Variants in CHD1L observed in about 807,000 individuals in gnomAD.
CHD1L encodes ATP-dependent chromatin remodeler CHD1L.
In CHD1L, 118 loss-of-function variants were observed where a neutral mutation model predicts 115.9. The ratio of observed to expected loss-of-function variants is 1.02; its 90% CI spans 0.88 to 1.19. CHD1L has a LOEUF of 1.19. CHD1L is among the 50% of genes most tolerant of loss of function. The pLI is 0.00. For synonymous variants in CHD1L, 411 were observed against 387.1 expected, an observed-to-expected ratio of 1.06 and a Z score of -0.72; for missense variants, 1,179 against 1,065.3, an observed-to-expected ratio of 1.11 and a Z score of -1.49.
At chr1:147,189,015 C>T in the CHD1L span, among the ~76,000 whole-genome samples, 2 of 152,118 alleles carry the variant, frequency 1.3e-5, no homozygotes, top group African/African-American at 4.8e-5. Context: ...GTGGCTCATG[C>T]CTGTAATCCC....
intron 20 of CHD1L, among the ~76,000 whole-genome samples, 164 bp downstream of exon 20, chr1:147,291,716 C>T (rs1478818605): frequency 1.3e-5 from 2 of 152,048 alleles, no homozygotes; most frequent in African/African-American, 4.8e-5. Flanking sequence ...AATGTATTTC[C>T]TTATAGTTCT....
the CHD1L span, among the ~76,000 whole-genome samples, chr1:147,233,060 C>T: frequency 6.6e-6 from 1 of 152,032 alleles, no homozygotes; most frequent in Non-Finnish European, 1.5e-5. Context: ...TGAGGAGCGT[C>T]TCTGCCCGGC....
At chr1:147,225,923 A>C in the CHD1L span, 1 of 152,220 alleles carries the variant, frequency 6.6e-6, no homozygotes, top group Non-Finnish European at 1.5e-5. Context: ...TCCACGTGAA[A>C]GGGTCGTGAT....
At position 147,272,267 on chromosome 1, in the gene CHD1L, T is replaced by TGA; in HGVS notation, c.1258_1259dup (p.Ser420ArgfsTer10). 1 of 1,612,946 alleles carries TGA rather than the reference T, an allele frequency of 6.2e-7. No homozygotes were observed. Among genetic ancestry groups the TGA allele is most frequent in the South Asian group, 1.1e-5 (1 of 91,046 alleles). ...CAGCAGCCCATTTTCGTTTTTCTCC[T>TGA]GAGTACTAGGGCAGGTAGGCTGCAA... is the stretch of plus-strand genomic sequence containing the variant. On this transcript the variant is annotated frameshift_variant, in exon 12 of 23. Transcript: ENST00000369258. LOFTEE classifies it high-confidence loss of function.
At chr1:147,178,072 G>A in the CHD1L span, 2 of 1,208,782 alleles carry the variant, frequency 1.7e-6, no homozygotes, top group South Asian at 3.0e-5. Context: ...AGTCCCAGTC[G>A]AGCCGCGACC....
the CHD1L span, among the ~76,000 whole-genome samples, chr1:147,232,186 G>A: frequency 6.6e-6 from 1 of 152,192 alleles, no homozygotes; most frequent in Non-Finnish European, 1.5e-5. Flanking sequence ...TGACATGAGT[G>A]AGAAATATAC....
chr1:147,203,948 C>A, the CHD1L span: 2 of 1,332,020 alleles, frequency 1.5e-6, no homozygotes, highest in African/African-American at 2.9e-5. Flanking sequence ...AGCTGTAGCA[C>A]CAACTGTTTT....
chr1:147,191,444 G>T, the CHD1L span, among the ~76,000 whole-genome samples: 1 of 152,124 alleles, frequency 6.6e-6, no homozygotes, highest in Non-Finnish European at 1.5e-5. Context: ...GCGATGATGA[G>T]AATTTTTTCA....
At chr1:147,191,197 C>T in the CHD1L span, among the ~76,000 whole-genome samples, 7 of 152,090 alleles carry the variant, frequency 4.6e-5, no homozygotes, top group Non-Finnish European at 1.0e-4. Context: ...GGGTATATAC[C>T]CAGTAATGGG....
the CHD1L span, among the ~76,000 whole-genome samples, chr1:147,216,591 C>A: frequency 4.9e-4 from 74 of 152,226 alleles, no homozygotes; most frequent in African/African-American, 1.8e-3. Context: ...TATTCAGCAT[C>A]GCTTAGGAAG....
chr1:147,177,146 G>A, the CHD1L span, among the ~76,000 whole-genome samples: 1 of 151,940 alleles, frequency 6.6e-6, no homozygotes, highest in Non-Finnish European at 1.5e-5. Flanking sequence ...TAGGACTGGG[G>A]CAGGGGATAT....
chr1:147,259,770 A>T (rs1271646610), intron 5 of CHD1L, 67 bp from the exon 6 acceptor site: 33 of 1,358,014 alleles, frequency 2.4e-5, no homozygotes, highest in Non-Finnish European at 2.9e-5. Context: ...GTTTTGTAGT[A>T]AGACTTTTGA....
chr1:147,201,478 T>A, the CHD1L span: 33 of 1,613,892 alleles, frequency 2.0e-5, no homozygotes, highest in Non-Finnish European at 2.8e-5. Context: ...CAGGTCATCA[T>A]TTAAGGTTGG....
In CHD1L at chr1:147,255,839, C is replaced by T. The variant is rs1669934168; in HGVS notation, c.374C>T (p.Thr125Ile). The T allele has an allele frequency of 6.2e-7, 1 of 1,613,336 alleles. No individual in the cohort carries two copies. Among genetic ancestry groups the T allele is most frequent in the African/African-American group, 1.3e-5 (1 of 74,864 alleles). ...TTTGCTCCAGGTCTTTCCTGTGTAA[C>T]ATATGCAGGCGACAAGGAGGAAAGA... The part of the protein sequence containing the change: ...QRFAPGLSCV[T>I]YAGDKEERAC... Residue 125 changes from threonine to isoleucine, a missense_variant, in exon 4 of 23, where the codon ACA becomes ATA. Coordinates refer to ENST00000369258, the MANE Select transcript of CHD1L (RefSeq NM_004284.6).
chr1:147,185,731 A>G, the CHD1L span, among the ~76,000 whole-genome samples: 2 of 152,192 alleles, frequency 1.3e-5, no homozygotes, highest in East Asian at 3.8e-4. Context: ...ACAGCTATTA[A>G]TGAACATCAC....
the CHD1L span, among the ~76,000 whole-genome samples, chr1:147,233,849 T>C: frequency 6.6e-6 from 1 of 151,622 alleles, no homozygotes; most frequent in African/African-American, 2.4e-5. Context: ...GTTAAATGGG[T>C]TAAGGGCGGT....
chr1:147,265,808 C>T (rs1673657195), intron 7 of CHD1L, 124 bp from the exon 8 acceptor site: 2 of 743,838 alleles, frequency 2.7e-6, no homozygotes, highest in East Asian at 6.1e-5. Context: ...AATGATCATA[C>T]TGGCCTAGAA....
intron 1 of CHD1L, among the ~76,000 whole-genome samples, chr1:147,252,162 T>C (rs1668604290): frequency 1.3e-5 from 2 of 152,216 alleles, no homozygotes; most frequent in Admixed American, 6.5e-5. Context: ...AGCGCTTCTG[T>C]GTTGAAGCAT....
the CHD1L span, chr1:147,179,052 T>C: frequency 1.9e-6 from 3 of 1,613,738 alleles, no homozygotes; most frequent in Non-Finnish European, 2.5e-6. Context: ...AACTTTCTGA[T>C]TTTGGCTTGG....
Sources: gnomAD v4.1 joint callset for allele counts (sites outside exome capture counted in the v4.1 genomes callset) on GRCh38, gnomAD v4.1.1 for gene constraint, MANE v1.5 for transcripts, NCBI Gene and HGNC (gene_info 2026-07-23, HGNC 2026-07-21) for gene names.